NIM1K: variants seen among roughly 807,000 people sequenced by gnomAD.
NIM1K encodes NIM1 serine/threonine protein kinase.
NIM1K carries 35 observed loss-of-function variants against 37.1 expected under a neutral mutation model. The observed-to-expected ratio is 0.94, with a 90% CI of 0.72 to 1.25. The LOEUF (loss-of-function observed/expected upper bound fraction) is 1.25, where lower values mean the gene tolerates loss of function less well. Among genes scored for constraint, NIM1K ranks in the 50% most tolerant of loss-of-function variants. NIM1K has a pLI of 0.00. For missense variants in NIM1K, 564 were observed against 548.0 expected (o/e 1.03, Z -0.29); for synonymous variants, 234 against 206.6 (o/e 1.13, Z -1.14).
At chr5:43,207,706 C>G in intron 1 of NIM1K, 1 of 506,710 alleles carries the variant, frequency 2.0e-6, no homozygotes, top group South Asian at 1.8e-5. Context: ...AGAACAGTTG[C>G]TCTATGAAGA....
intron 2 of NIM1K, among the ~76,000 whole-genome samples, chr5:43,256,914 C>T (rs1752955024): frequency 6.6e-6 from 1 of 152,176 alleles, no homozygotes; most frequent in Admixed American, 6.5e-5. Context: ...CTAGGATCAC[C>T]TCCCTCATAA....
chr5:43,277,770 C>A (rs1219887408), intron 3 of NIM1K, among the ~76,000 whole-genome samples: 6 of 149,648 alleles, frequency 4.0e-5, no homozygotes, highest in South Asian at 2.1e-4. Flanking sequence ...CTCCCCCACC[C>A]CCCCTCTCCG....
chr5:43,257,445 G>A (rs1752963419), intron 2 of NIM1K, among the ~76,000 whole-genome samples: 1 of 137,486 alleles, frequency 7.3e-6, no homozygotes, highest in African/African-American at 2.8e-5. Flanking sequence ...TCGGCTCACT[G>A]CAACCTCTGC....
At chr5:43,243,000 C>T (rs182334652) in intron 1 of NIM1K, 1 of 152,328 alleles carries the variant, frequency 6.6e-6, no homozygotes, top group East Asian at 1.9e-4. Flanking sequence ...TGGAGTTTCA[C>T]CATGTTGGCC....
At chr5:43,266,695 T>C (rs951840607) in intron 2 of NIM1K, among the ~76,000 whole-genome samples, 2 of 152,234 alleles carry the variant, frequency 1.3e-5, no homozygotes, top group Non-Finnish European at 2.9e-5. Context: ...TCTTCTGCGT[T>C]GCTCATGCTG....
intron 1 of NIM1K, among the ~76,000 whole-genome samples, chr5:43,222,721 G>A (rs1004682950): frequency 1.3e-5 from 2 of 151,692 alleles, no homozygotes; most frequent in Non-Finnish European, 2.9e-5. Context: ...GCGACAGAGT[G>A]AGCCTGTCCC....
Position 43,245,713 on chromosome 5 carries a change from G to A in NIM1K, c.-63G>A, listed in dbSNP as rs1752766547. The A allele has an allele frequency of 2.7e-6, 4 of 1,487,740 alleles. No homozygotes were observed. Among genetic ancestry groups the A allele is most frequent in the Admixed American group, 4.2e-5 (2 of 47,928 alleles). 92.2% of individuals were successfully genotyped at this position (1,487,740 alleles called of 1,614,324 possible). On this transcript the variant is annotated 5_prime_UTR_variant, in exon 2 of 4. Transcript: ENST00000326035. ...TCAGTTGGCATCTCCCACCCTCTGA[G>A]CCTCTTCTGCTCCTGCACAACCTGC... is the stretch of plus-strand genomic sequence containing the variant.
intron 1 of NIM1K, among the ~76,000 whole-genome samples, chr5:43,241,362 G>T (rs1752700474): frequency 6.9e-6 from 1 of 145,104 alleles, no homozygotes; most frequent in Admixed American, 7.2e-5. Flanking sequence ...ACGGAGTCTC[G>T]CTCTGCCTTT....
At chr5:43,259,093 T>C (rs529197205) in intron 2 of NIM1K, among the ~76,000 whole-genome samples, 1 of 152,340 alleles carries the variant, frequency 6.6e-6, no homozygotes, top group South Asian at 2.1e-4. Flanking sequence ...ATTATTTTAT[T>C]CTTTTTCATA....
intron 1 of NIM1K, among the ~76,000 whole-genome samples, chr5:43,221,088 G>A (rs939785994): frequency 6.6e-6 from 1 of 152,186 alleles, no homozygotes; most frequent in Non-Finnish European, 1.5e-5. Context: ...GTCCCAATAA[G>A]GTGTGGAGAT....
chr5:43,265,160 G>T (rs1169876074), intron 2 of NIM1K, among the ~76,000 whole-genome samples: 1 of 152,176 alleles, frequency 6.6e-6, no homozygotes, highest in African/African-American at 2.4e-5. Context: ...TTGAATGTTG[G>T]CCTGCCTTGC....
chr5:43,264,545 A>T (rs982549281), intron 2 of NIM1K, among the ~76,000 whole-genome samples: 1 of 152,200 alleles, frequency 6.6e-6, no homozygotes, highest in African/African-American at 2.4e-5. Flanking sequence ...TCCTGAATAC[A>T]GCACACTGAT....
intron 2 of NIM1K, among the ~76,000 whole-genome samples, chr5:43,246,825 G>A (rs1477549231): frequency 6.6e-6 from 1 of 152,098 alleles, no homozygotes; most frequent in Non-Finnish European, 1.5e-5. Context: ...CCCACTGTGG[G>A]CACTTCCCCA....
intron 2 of NIM1K, among the ~76,000 whole-genome samples, chr5:43,262,970 C>T (rs189931724): frequency 4.6e-5 from 7 of 152,266 alleles, no homozygotes; most frequent in East Asian, 1.9e-4. Context: ...CCAACTTGAT[C>T]GTGGTGGATA....
intron 2 of NIM1K, among the ~76,000 whole-genome samples, chr5:43,262,839 G>T (rs930655251): frequency 6.6e-6 from 1 of 152,072 alleles, no homozygotes; most frequent in African/African-American, 2.4e-5. Flanking sequence ...TTTTGTCAAA[G>T]ACCTTTTCTG....
intron 2 of NIM1K, among the ~76,000 whole-genome samples, chr5:43,261,064 T>A (rs942045793): frequency 1.3e-5 from 2 of 152,218 alleles, no homozygotes; most frequent in African/African-American, 4.8e-5. Context: ...AGTGCCACAA[T>A]AAACATACGT....
chr5:43,223,265 G>A (rs1024404590), intron 1 of NIM1K, among the ~76,000 whole-genome samples: 4 of 152,246 alleles, frequency 2.6e-5, no homozygotes, highest in African/African-American at 9.6e-5. Context: ...TCCCAGCTGG[G>A]GAGAGTCACC....
At chr5:43,229,338 C>T (rs1287513623) in intron 1 of NIM1K, among the ~76,000 whole-genome samples, 5 of 141,856 alleles carry the variant, frequency 3.5e-5, no homozygotes, top group South Asian at 2.3e-4. Flanking sequence ...GAGCTGAGAT[C>T]GCGCCATTGC....
intron 1 of NIM1K, among the ~76,000 whole-genome samples, chr5:43,228,345 A>G (rs1752489536): frequency 6.6e-6 from 1 of 151,670 alleles, no homozygotes; most frequent in African/African-American, 2.4e-5. Flanking sequence ...ACAGGGTTTC[A>G]CCGTGTTAGC....
Sources: gnomAD v4.1 joint callset for allele counts (sites outside exome capture counted in the v4.1 genomes callset) on GRCh38, gnomAD v4.1.1 for gene constraint, MANE v1.5 for transcripts, NCBI Gene and HGNC (gene_info 2026-07-23, HGNC 2026-07-21) for gene names.